ATXN7L1: variants seen among roughly 807,000 people sequenced by gnomAD.
The protein encoded by ATXN7L1 is ataxin 7 like 1, also known as ataxin-7-like protein 1.
A neutral mutation model predicts 70.8 loss-of-function variants in ATXN7L1; 15 were observed. The observed-to-expected ratio is 0.21, with a 90% CI of 0.14 to 0.33. ATXN7L1 has a LOEUF of 0.33. ATXN7L1 is among the 10% of genes least tolerant of loss of function. The pLI, the probability that ATXN7L1 is intolerant of heterozygous loss-of-function variation, is 1.00. For synonymous variants in ATXN7L1, 440 were observed against 445.1 expected, an observed-to-expected ratio of 0.99 and a Z score of 0.14; for missense variants, 975 against 1,097.1, an observed-to-expected ratio of 0.89 and a Z score of 1.57.
chr7:105,678,950 G>A (rs1032705376), intron 3 of ATXN7L1: 11 of 533,030 alleles, frequency 2.1e-5, no homozygotes, highest in African/African-American at 1.9e-4. Flanking sequence ...TAAATGCCTC[G>A]TGGGCTGCCA....
intron 9 of ATXN7L1, among the ~76,000 whole-genome samples, chr7:105,615,362 G>A (rs1036602992): frequency 6.6e-6 from 1 of 152,190 alleles, no homozygotes; most frequent in African/African-American, 2.4e-5. Flanking sequence ...CTCTGGGCTG[G>A]AGGCAGTTGG....
intron 3 of ATXN7L1, among the ~76,000 whole-genome samples, chr7:105,698,119 A>T (rs1222200626): frequency 6.6e-6 from 1 of 152,112 alleles, no homozygotes; most frequent in Non-Finnish European, 1.5e-5. Context: ...CTTGGCTTCA[A>T]TGCTTGGGCT....
At chr7:105,714,900 G>A (rs890435472) in intron 3 of ATXN7L1, among the ~76,000 whole-genome samples, 1 of 152,084 alleles carries the variant, frequency 6.6e-6, no homozygotes, top group Non-Finnish European at 1.5e-5. Context: ...CCTGACCTCA[G>A]GTGATCTGCC....
At chr7:105,692,652 G>A (rs1343439432) in intron 3 of ATXN7L1, among the ~76,000 whole-genome samples, 1 of 151,984 alleles carries the variant, frequency 6.6e-6, no homozygotes, top group African/African-American at 2.4e-5. Context: ...TTGCCATGTT[G>A]GCCAGGCTGG....
chr7:105,761,133 AG>A (rs1435443289), intron 3 of ATXN7L1: 23 of 1,182,912 alleles, frequency 1.9e-5, no homozygotes, highest in Non-Finnish European at 2.4e-5. Flanking sequence ...AATTGATGGC[AG>A]CTTAGACCAG....
intron 3 of ATXN7L1, among the ~76,000 whole-genome samples, chr7:105,768,961 T>C (rs554210075): frequency 3.9e-4 from 59 of 152,230 alleles, no homozygotes; most frequent in East Asian, 3.1e-3. Context: ...GTAAGCCTTT[T>C]CCCCCCCTGG....
intron 4 of ATXN7L1, among the ~76,000 whole-genome samples, chr7:105,643,410 C>T (rs915178468): frequency 2.6e-5 from 4 of 152,156 alleles, no homozygotes; most frequent in Non-Finnish European, 1.5e-5. Context: ...TTCCCGGGCC[C>T]TATAGGTTGG....
At chr7:105,803,256 G>C (rs557034614) in intron 2 of ATXN7L1, among the ~76,000 whole-genome samples, 2 of 152,366 alleles carry the variant, frequency 1.3e-5, no homozygotes, top group African/African-American at 4.8e-5. Flanking sequence ...GAAGCAGAGG[G>C]CATCCATGCA....
intron 2 of ATXN7L1, among the ~76,000 whole-genome samples, chr7:105,806,071 C>A (rs921559262): frequency 1.3e-5 from 2 of 152,130 alleles, no homozygotes; most frequent in Admixed American, 1.3e-4. Context: ...TTATTTGGAA[C>A]TGACCACTGT....
At chr7:105,620,071 T>C in intron 9 of ATXN7L1, 129 bp downstream of exon 9, 2 of 1,185,496 alleles carry the variant, frequency 1.7e-6, no homozygotes. Context: ...TAAGAATTAA[T>C]CAAGCATCCT....
At chr7:105,828,235 G>A (rs1399674856) in intron 2 of ATXN7L1, among the ~76,000 whole-genome samples, 1 of 152,148 alleles carries the variant, frequency 6.6e-6, no homozygotes, top group Non-Finnish European at 1.5e-5. Flanking sequence ...GGGGTTTAGA[G>A]GGCATAAATT....
chr7:105,660,100 T>C (rs989987151), intron 4 of ATXN7L1, among the ~76,000 whole-genome samples: 2 of 152,002 alleles, frequency 1.3e-5, no homozygotes, highest in East Asian at 3.9e-4. Flanking sequence ...TTTCCCTCCT[T>C]AATATTTATC....
chr7:105,616,873 A>C (rs1054144860), intron 9 of ATXN7L1, among the ~76,000 whole-genome samples: 1 of 152,150 alleles, frequency 6.6e-6, no homozygotes, highest in Non-Finnish European at 1.5e-5. Flanking sequence ...AACCCACTCC[A>C]TCTTTCCTTG....
At chr7:105,838,399 T>G (rs1186165175) in intron 2 of ATXN7L1, among the ~76,000 whole-genome samples, 1 of 152,194 alleles carries the variant, frequency 6.6e-6, no homozygotes, top group African/African-American at 2.4e-5. Context: ...GGAAAAAGCA[T>G]TTCAATCATT....
rs71540965 is a variant in ATXN7L1, at chr7:105,733,570, C to T, written c.355+55034G>A. 1.7e-3 allele frequency among the ~76,000 whole-genome samples: 156 copies of T among 94,244 alleles called. 23 individuals carry two copies. Among genetic ancestry groups the T allele is most frequent in the Middle Eastern group, 5.9e-3 (1 of 170 alleles). The allele number at this position is 94,244 out of a possible 152,430, so 61.8% of individuals were successfully genotyped here. A position where few individuals can be genotyped will look rare whatever the true frequency, so the allele number is the denominator to read the frequency against. ...TCCATCCATCCACCCATCCATCCTT[C>T]CATCCATCCACCCATCCATCCATCC... On this transcript the variant is annotated intron_variant, in intron 3 of 11. Transcript: ENST00000419735.
rs142965685 is a variant in ATXN7L1, at chr7:105,660,741, C to T, written c.578+4325G>A. ...GGGATTACAGGTGCGCACCACCACA[C>T]CCAGCTAATTTTTGAATTTTTAGTA... On this transcript the variant is annotated intron_variant, in intron 4 of 11. Coordinates refer to ENST00000419735, the MANE Select transcript of ATXN7L1 (RefSeq NM_020725.2). Among the ~76,000 whole-genome samples, 117 of 152,136 alleles carry T rather than the reference C, an allele frequency of 7.7e-4. 1 individual carries two copies. In the East Asian group the frequency reaches 0.023, roughly 29 times the overall value.
intron 3 of ATXN7L1, among the ~76,000 whole-genome samples, chr7:105,773,351 C>T (rs1443157979): frequency 4.6e-5 from 7 of 152,206 alleles, no homozygotes; most frequent in Non-Finnish European, 1.0e-4. Context: ...GCTCTTGGTA[C>T]ATTCCCAGGC....
intron 3 of ATXN7L1, 53 bp from the exon 4 acceptor site, chr7:105,665,341 T>C: frequency 7.2e-7 from 1 of 1,391,818 alleles, no homozygotes; most frequent in Admixed American, 2.0e-5. Flanking sequence ...CAGGTGAGGC[T>C]CCCACACACT....
At chr7:105,757,494 T>C (rs2116402001) in intron 3 of ATXN7L1, among the ~76,000 whole-genome samples, 1 of 152,204 alleles carries the variant, frequency 6.6e-6, no homozygotes, top group East Asian at 1.9e-4. Flanking sequence ...GCCAAATTAA[T>C]TTGAATTCTT....
Sources: gnomAD v4.1 joint callset for allele counts (sites outside exome capture counted in the v4.1 genomes callset) on GRCh38, gnomAD v4.1.1 for gene constraint, MANE v1.5 for transcripts, NCBI Gene and HGNC (gene_info 2026-07-23, HGNC 2026-07-21) for gene names.